SCAF8: variants seen among roughly 807,000 people sequenced by gnomAD.
SCAF8 encodes the protein SR-related CTD associated factor 8.
SCAF8 carries 23 observed loss-of-function variants against 140.5 expected under a neutral mutation model. That is an observed-to-expected ratio of 0.16 (90% CI 0.12 to 0.23). SCAF8 has a LOEUF of 0.23. SCAF8 is among the 10% of genes least tolerant of loss of function. The pLI, the probability that SCAF8 is intolerant of heterozygous loss-of-function variation, is 1.00. For synonymous variants in SCAF8, 575 were observed against 528.9 expected (o/e 1.09, Z -1.20); for missense variants, 1,397 against 1,555.7 (o/e 0.90, Z 1.72).
In SCAF8 at chr6:154,832,586, C is replaced by T. The variant is rs1373407768; in HGVS notation, c.3007C>T (p.Leu1003Phe). The change falls in exon 20 of 20, where the codon CTT (leucine) becomes TTT (phenylalanine). Residue 1003 changes from leucine (L) to phenylalanine (F), a missense_variant. Coordinates refer to ENST00000367178, the MANE Select transcript of SCAF8 (RefSeq NM_014892.5). The part of the protein sequence containing the change: ...NVTNPEKRIP[L>F]GNDNIQQEGD... ...TACTAACCCAGAAAAAAGGATACCACTTGGGAATGATAACATTCAACAGGA... is the reference window on the plus strand; with the variant it reads ...TACTAACCCAGAAAAAAGGATACCATTTGGGAATGATAACATTCAACAGGA... 2.5e-6 allele frequency: 4 copies of T among 1,614,120 alleles called. No homozygotes were observed. The highest frequency in any genetic ancestry group is 2.5e-6 in the Non-Finnish European group (3 of 1,180,000).
At chr6:154,772,905 G>A (rs370136419) in intron 1 of SCAF8, among the ~76,000 whole-genome samples, 89 of 151,988 alleles carry the variant, frequency 5.9e-4, no homozygotes, top group African/African-American at 2.0e-3. Flanking sequence ...GATTACAGGC[G>A]CCTGCCACCA....
intron 1 of SCAF8, among the ~76,000 whole-genome samples, chr6:154,757,428 A>T (rs866983806): frequency 6.6e-6 from 1 of 152,232 alleles, no homozygotes. Flanking sequence ...TTGGCATTCT[A>T]CTTTTTTGAG....
At chr6:154,827,126 A>G in intron 17 of SCAF8, 46 bp from the exon 18 acceptor site, 5 of 1,456,446 alleles carry the variant, frequency 3.4e-6, no homozygotes, top group Non-Finnish European at 4.7e-6. Flanking sequence ...ATTTAAAATA[A>G]GTAATTTTTC....
chr6:154,737,077 T>C (rs1461415642), intron 1 of SCAF8, among the ~76,000 whole-genome samples: 1 of 152,212 alleles, frequency 6.6e-6, no homozygotes, highest in Non-Finnish European at 1.5e-5. Flanking sequence ...TTATTGCAAA[T>C]AAGTATATGC....
chr6:154,763,906 G>T (rs1776478347), intron 1 of SCAF8, among the ~76,000 whole-genome samples: 1 of 152,168 alleles, frequency 6.6e-6, no homozygotes, highest in Non-Finnish European at 1.5e-5. Flanking sequence ...GAGGAGTTGT[G>T]ATAGAGACAG....
At chr6:154,790,658 C>T (rs1339796939) in intron 4 of SCAF8, among the ~76,000 whole-genome samples, 4 of 151,508 alleles carry the variant, frequency 2.6e-5, no homozygotes, top group Admixed American at 2.6e-4. Context: ...CTACAGGCGC[C>T]CACCACCACG....
At chr6:154,830,334 G>A in intron 18 of SCAF8, among the ~76,000 whole-genome samples, 1 of 152,138 alleles carries the variant, frequency 6.6e-6, no homozygotes, top group Non-Finnish European at 1.5e-5. Context: ...AATTTTAATT[G>A]TGTAATTATT....
chr6:154,794,483 G>T (rs1385493816), intron 5 of SCAF8, among the ~76,000 whole-genome samples: 1 of 151,978 alleles, frequency 6.6e-6, no homozygotes, highest in Non-Finnish European at 1.5e-5. Flanking sequence ...GACAGATAGG[G>T]AAAAAGAGAG....
chr6:154,765,468 T>G (rs1480546621), intron 1 of SCAF8, among the ~76,000 whole-genome samples: 1 of 152,204 alleles, frequency 6.6e-6, no homozygotes, highest in African/African-American at 2.4e-5. Context: ...TTAACAAAAT[T>G]AAACACAATA....
intron 18 of SCAF8, among the ~76,000 whole-genome samples, chr6:154,827,448 G>A (rs1323828738): frequency 6.6e-6 from 1 of 152,044 alleles, no homozygotes; most frequent in Non-Finnish European, 1.5e-5. Context: ...TTTTATTTTA[G>A]TCAAAATTCA....
chr6:154,793,226 C>G (rs1259377884), intron 5 of SCAF8, among the ~76,000 whole-genome samples: 1 of 152,030 alleles, frequency 6.6e-6, no homozygotes, highest in African/African-American at 2.4e-5. Flanking sequence ...TTTGGTGTGT[C>G]AATTAGATTT....
chr6:154,834,237 CTG>C (rs1019116535), downstream of SCAF8: 14 of 152,224 alleles, frequency 9.2e-5, no homozygotes, highest in South Asian at 1.2e-3. Flanking sequence ...TGTATAATAT[CTG>C]TGTATGTTTA....
rs1777785043 is a variant in SCAF8 at position 154,801,968 on chromosome 6, C to T, written c.607-3C>T. 6.4e-7 allele frequency: 1 copy of T among 1,562,128 alleles called. No homozygotes were observed. Among genetic ancestry groups the T allele is most frequent in the African/African-American group, 1.4e-5 (1 of 71,814 alleles). On this transcript the variant is annotated splice_region_variant and splice_polypyrimidine_tract_variant and intron_variant, in intron 6 of 19. Transcript: ENST00000367178. ...TTTGTAATATATATTTTTTTCTCTC[C>T]AGCTTCAACAATTAATACAAACCTT... is the stretch of plus-strand genomic sequence containing the variant.
chr6:154,744,074 C>T (rs1257319322), intron 1 of SCAF8, among the ~76,000 whole-genome samples: 2 of 152,182 alleles, frequency 1.3e-5, no homozygotes, highest in African/African-American at 4.8e-5. Context: ...GTGGGTGGAT[C>T]ACGAGGTCAG....
chr6:154,823,706 A>G (rs942170617), intron 16 of SCAF8, among the ~76,000 whole-genome samples: 6 of 152,234 alleles, frequency 3.9e-5, no homozygotes, highest in African/African-American at 1.2e-4. Flanking sequence ...AGGTAGAAGT[A>G]TCTTTCTGTC....
intron 18 of SCAF8, 126 bp from the exon 19 acceptor site, chr6:154,830,796 T>C: frequency 3.4e-6 from 2 of 587,486 alleles, no homozygotes; most frequent in Non-Finnish European, 5.9e-6. Context: ...CATTTGAGCA[T>C]TGGTTATTAT....
intron 6 of SCAF8, among the ~76,000 whole-genome samples, chr6:154,795,847 AC>A (rs1399122171): frequency 6.6e-6 from 1 of 152,204 alleles, no homozygotes; most frequent in African/African-American, 2.4e-5. Flanking sequence ...CTATACATAT[AC>A]TTTTATTGTT....
At chr6:154,816,363 T>C (rs1049203897) in intron 13 of SCAF8, among the ~76,000 whole-genome samples, 2 of 152,230 alleles carry the variant, frequency 1.3e-5, no homozygotes, top group African/African-American at 4.8e-5. Flanking sequence ...AGCATAACTC[T>C]TTCACTCTTG....
At chr6:154,775,533 C>T (rs757860368) in intron 2 of SCAF8, among the ~76,000 whole-genome samples, 12 of 152,048 alleles carry the variant, frequency 7.9e-5, no homozygotes, top group Admixed American at 2.0e-4. Context: ...AGATGTCAGA[C>T]GGGTCTGAGA....
Sources: allele counts gnomAD v4.1 joint callset (sites outside exome capture counted in the v4.1 genomes callset), GRCh38; gene constraint gnomAD v4.1.1; transcripts MANE v1.5; gene names NCBI Gene and HGNC (gene_info 2026-07-23, HGNC 2026-07-21).